Variants in PTPRT observed in about 807,000 individuals in gnomAD.
The protein encoded by PTPRT is protein tyrosine phosphatase receptor type T, also known as receptor-type tyrosine-protein phosphatase T.
PTPRT carries 56 observed loss-of-function variants against 176.8 expected under a neutral mutation model. The observed-to-expected ratio is 0.32, with a 90% CI of 0.26 to 0.40. The LOEUF (loss-of-function observed/expected upper bound fraction) is 0.40, where lower values mean the gene tolerates loss of function less well. Among genes scored for constraint, PTPRT ranks in the 10% least tolerant of loss-of-function variants. The pLI, the probability that PTPRT is intolerant of heterozygous loss-of-function variation, is 1.00. For synonymous variants in PTPRT, 783 were observed against 739.0 expected, an observed-to-expected ratio of 1.06 and a Z score of -0.96; for missense variants, 1,540 against 1,908.2, an observed-to-expected ratio of 0.81 and a Z score of 3.60.
intron 15 of PTPRT, among the ~76,000 whole-genome samples, chr20:42,204,529 AT>A (rs1315023017): frequency 6.6e-6 from 1 of 152,204 alleles, no homozygotes; most frequent in African/African-American, 2.4e-5. Flanking sequence ...TTGCAGGAAC[AT>A]TTCCAAAGCT....
At chr20:43,171,629 C>G (rs1044522894) in intron 1 of PTPRT, among the ~76,000 whole-genome samples, 1 of 152,150 alleles carries the variant, frequency 6.6e-6, no homozygotes, top group Non-Finnish European at 1.5e-5. Flanking sequence ...GTTCTCTAGA[C>G]CAGCGATTCT....
chr20:42,100,121 G>A (rs1028865825), intron 26 of PTPRT, among the ~76,000 whole-genome samples: 1 of 152,214 alleles, frequency 6.6e-6, no homozygotes, highest in African/African-American at 2.4e-5. Flanking sequence ...TGCAAAATGG[G>A]ACAGTGCAAG....
In PTPRT at chr20:42,944,027, AAAAT is replaced by A. The variant is rs201301533; in HGVS notation, c.89-58099_89-58096del. Among the ~76,000 whole-genome samples, 1,072 of 152,136 alleles carry A rather than the reference AAAAT, an allele frequency of 7.0e-3. 14 individuals carry two copies. The highest frequency in any genetic ancestry group is 0.024 in the African/African-American group (995 of 41,490). ...GAGCGAGACACTGTATCAAAAAATAAAAATAAATAAATAAATAAACAAACAAACA... is the reference window on the plus strand; with the variant it reads ...GAGCGAGACACTGTATCAAAAAATAAAAATAAATAAATAAACAAACAAACA... On this transcript the variant is annotated intron_variant, in intron 1 of 30. Transcript: ENST00000373187.
At chr20:42,722,167 C>T (rs1010915027) in intron 6 of PTPRT, among the ~76,000 whole-genome samples, 2 of 152,112 alleles carry the variant, frequency 1.3e-5, no homozygotes, top group African/African-American at 2.4e-5. Flanking sequence ...CTATGAGTCA[C>T]CTGATGAACT....
intron 1 of PTPRT, among the ~76,000 whole-genome samples, chr20:42,947,188 C>A (rs931457391): frequency 6.6e-6 from 1 of 152,166 alleles, no homozygotes; most frequent in Non-Finnish European, 1.5e-5. Context: ...CAATTCCCAG[C>A]CACTCACAGG....
At chr20:42,503,170 C>T (rs1420696630) in intron 7 of PTPRT, among the ~76,000 whole-genome samples, 3 of 151,814 alleles carry the variant, frequency 2.0e-5, no homozygotes, top group African/African-American at 7.2e-5. Flanking sequence ...TTTAGCTTTT[C>T]TTATTTCATT....
intron 7 of PTPRT, among the ~76,000 whole-genome samples, chr20:42,544,371 G>A (rs1045754285): frequency 6.6e-5 from 10 of 152,168 alleles, no homozygotes; most frequent in Non-Finnish European, 1.3e-4. Context: ...AAGCTCTGCT[G>A]GCTCTAAAAT....
chr20:42,177,508 C>G (rs1161159613), intron 16 of PTPRT, among the ~76,000 whole-genome samples: 1 of 152,126 alleles, frequency 6.6e-6, no homozygotes, highest in Non-Finnish European at 1.5e-5. Flanking sequence ...CAGTGTGTCC[C>G]CATCAAGGTT....
At chr20:42,549,507 T>G (rs2072731502) in intron 7 of PTPRT, among the ~76,000 whole-genome samples, 1 of 151,560 alleles carries the variant, frequency 6.6e-6, no homozygotes, top group East Asian at 1.9e-4. Context: ...CAAGCAGGAG[T>G]GCTTTGTGTA....
intron 9 of PTPRT, among the ~76,000 whole-genome samples, chr20:42,413,119 C>T (rs991596188): frequency 5.3e-5 from 8 of 152,002 alleles, no homozygotes; most frequent in African/African-American, 1.2e-4. Context: ...TAGAGTGATA[C>T]GGCACGATAT....
At chr20:43,035,544 A>T (rs1600664558) in intron 1 of PTPRT, among the ~76,000 whole-genome samples, 1 of 152,222 alleles carries the variant, frequency 6.6e-6, no homozygotes, top group African/African-American at 2.4e-5. Flanking sequence ...GTTCTAGAGG[A>T]CAAGAGTTCT....
At chr20:42,088,859 C>T (rs1322248693) in intron 27 of PTPRT, among the ~76,000 whole-genome samples, 1 of 152,128 alleles carries the variant, frequency 6.6e-6, no homozygotes. Flanking sequence ...AAACCCTTAC[C>T]ACAGTGCCAG....
chr20:42,150,184 A>C (rs1338081580), intron 17 of PTPRT, among the ~76,000 whole-genome samples: 4 of 152,214 alleles, frequency 2.6e-5, no homozygotes, highest in African/African-American at 9.6e-5. Flanking sequence ...TAAAATAGTA[A>C]GATGTCAAAA....
At chr20:42,970,158 G>C (rs940935145) in intron 1 of PTPRT, among the ~76,000 whole-genome samples, 1 of 152,188 alleles carries the variant, frequency 6.6e-6, no homozygotes, top group Non-Finnish European at 1.5e-5. Flanking sequence ...GTTTGTTCTT[G>C]AGCAAGAAGT....
chr20:42,478,467 G>A (rs190736228), intron 7 of PTPRT, among the ~76,000 whole-genome samples: 86 of 151,986 alleles, frequency 5.7e-4, no homozygotes, highest in African/African-American at 2.0e-3. Context: ...CCTAATACCC[G>A]AGCCCACCCT....
intron 10 of PTPRT, 46 bp downstream of exon 10, chr20:42,352,038 G>A (rs2145521244): frequency 4.5e-6 from 7 of 1,567,856 alleles, no homozygotes; most frequent in Non-Finnish European, 5.3e-6. Flanking sequence ...ATCAGGAAGT[G>A]GGGGTGAAAC....
At chr20:42,213,383 C>T (rs1323843481) in intron 15 of PTPRT, among the ~76,000 whole-genome samples, 1 of 150,740 alleles carries the variant, frequency 6.6e-6, no homozygotes, top group African/African-American at 2.4e-5. Context: ...CCTTTCCCCT[C>T]TCTGTGTATT....
At chr20:42,047,745 C>T in the PTPRT span, among the ~76,000 whole-genome samples, 1 of 152,130 alleles carries the variant, frequency 6.6e-6, no homozygotes, top group Non-Finnish European at 1.5e-5. Flanking sequence ...GGAGATTTGT[C>T]AGTCACATTT....
At chr20:42,805,969 T>C (rs2077601125) in intron 2 of PTPRT, among the ~76,000 whole-genome samples, 1 of 151,932 alleles carries the variant, frequency 6.6e-6, no homozygotes, top group African/African-American at 2.4e-5. Context: ...GGTAGATAGG[T>C]ATATCTCACA....
Sources: gnomAD v4.1 joint callset for allele counts (sites outside exome capture counted in the v4.1 genomes callset) on GRCh38, gnomAD v4.1.1 for gene constraint, MANE v1.5 for transcripts, NCBI Gene and HGNC (gene_info 2026-07-23, HGNC 2026-07-21) for gene names.